The following LY96 variants were observed in gnomAD, a reference collection of about 807,000 sequenced individuals.
LY96 encodes lymphocyte antigen 96, also known as myeloid differentiation protein-2.
A neutral mutation model predicts 18.9 loss-of-function variants in LY96; 18 were observed. That is an observed-to-expected ratio of 0.95 (90% CI 0.66 to 1.41). The LOEUF (loss-of-function observed/expected upper bound fraction) is 1.41. Among genes scored for constraint, LY96 ranks in the 40% most tolerant of loss-of-function variants. LY96 has a pLI of 0.00. For missense variants in LY96, 175 were observed against 182.4 expected, an observed-to-expected ratio of 0.96 and a Z score of 0.23; for synonymous variants, 66 against 62.6, an observed-to-expected ratio of 1.06 and a Z score of -0.26.
chr8:74,049,523 G>A, the LY96 span, among the ~76,000 whole-genome samples: 2 of 152,126 alleles, frequency 1.3e-5, no homozygotes, highest in South Asian at 2.1e-4. Context: ...AGAGGTTGAT[G>A]CGGCTGATTT....
chr8:73,998,273 G>A (rs1816192006), intron 1 of LY96, among the ~76,000 whole-genome samples: 1 of 152,096 alleles, frequency 6.6e-6, no homozygotes, highest in African/African-American at 2.4e-5. Flanking sequence ...AGGGTTTTAG[G>A]ATCTCTGTGC....
chr8:73,991,665 A>C (rs970475257), intron 1 of LY96, 111 bp downstream of exon 1: 4 of 722,856 alleles, frequency 5.5e-6, no homozygotes, highest in African/African-American at 5.3e-5. Flanking sequence ...AGTGTGTTCC[A>C]GCTGCTGTGG....
the LY96 span, among the ~76,000 whole-genome samples, chr8:74,080,917 T>C: frequency 6.6e-6 from 1 of 152,208 alleles, no homozygotes; most frequent in Non-Finnish European, 1.5e-5. Flanking sequence ...GTTTAAAGCC[T>C]ACTGATGATT....
At chr8:74,068,078 A>AT in the LY96 span, among the ~76,000 whole-genome samples, 186 of 135,372 alleles carry the variant, frequency 1.4e-3, 4 homozygotes, top group African/African-American at 5.3e-3. Flanking sequence ...AAAAAAAAAA[A>AT]AAAAAAAAAA....
At chr8:74,014,838 C>A (rs537411469) in intron 3 of LY96, among the ~76,000 whole-genome samples, 1 of 151,738 alleles carries the variant, frequency 6.6e-6, no homozygotes, top group Non-Finnish European at 1.5e-5. Flanking sequence ...CACACACACA[C>A]ACACACACAT....
intron 2 of LY96, among the ~76,000 whole-genome samples, chr8:74,009,374 C>CAAAAAAAA (rs370593442): frequency 8.7e-4 from 51 of 58,498 alleles, no homozygotes; most frequent in Non-Finnish European, 1.3e-3. Flanking sequence ...CAGTCTTTCT[C>CAAAAAAAA]AAAAAAAAAA....
At chr8:74,005,154 A>G (rs754564292) in intron 2 of LY96, among the ~76,000 whole-genome samples, 2 of 152,210 alleles carry the variant, frequency 1.3e-5, no homozygotes, top group Non-Finnish European at 2.9e-5. Context: ...CTGAGGCTCA[A>G]CTAGGAAATA....
chr8:74,093,426 A>G, the LY96 span, among the ~76,000 whole-genome samples: 1 of 152,330 alleles, frequency 6.6e-6, no homozygotes, highest in South Asian at 2.1e-4. Context: ...TTTTTGAACT[A>G]TTGTGGATTG....
the LY96 span, among the ~76,000 whole-genome samples, chr8:74,062,879 G>C: frequency 1.3e-5 from 2 of 152,158 alleles, no homozygotes; most frequent in African/African-American, 4.8e-5. Flanking sequence ...TGTGCTCTTA[G>C]TCATTATGCT....
At chr8:74,032,339 A>G (rs892765490), downstream of LY96, among the ~76,000 whole-genome samples, 1 of 152,208 alleles carries the variant, frequency 6.6e-6, no homozygotes, top group Non-Finnish European at 1.5e-5. Context: ...TAAAAACTAA[A>G]AGGCAGAAAT....
chr8:74,010,026 C>A lies in LY96; in HGVS notation c.228C>A (p.Phe76Leu). 1.2e-6 allele frequency: 2 copies of A among 1,604,136 alleles called. No homozygotes were observed. Among genetic ancestry groups the A allele is most frequent in the Non-Finnish European group, 8.5e-7 (1 of 1,171,142 alleles). ...IPRRDLKQLY[F>L]NLYITVNTMN... The stretch of plus-strand genomic sequence containing the variant: ...GGAGAGATTTAAAGCAATTATATTT[C>A]AATCTCTATATAACTGTCAACACCA... The change falls in exon 3 of 5, where the codon TTC (phenylalanine) becomes TTA (leucine). Residue 76 changes from phenylalanine to leucine, a missense_variant. Phe to Leu is a conservative substitution (Grantham distance 22). Transcript: ENST00000284818.
the LY96 span, among the ~76,000 whole-genome samples, chr8:74,062,345 C>T: frequency 3.3e-5 from 5 of 152,216 alleles, no homozygotes; most frequent in East Asian, 1.9e-4. Context: ...CATTCACCTA[C>T]GTATTAAGCC....
chr8:74,019,440 C>G lies in LY96; in HGVS notation c.332-7349C>G, dbSNP rs528279704. ...GAGGCAATAATTAATAGCCTACCAACCAAAAAAAGTCCAGGACCAGACAGA... is the reference window on the plus strand; with the variant it reads ...GAGGCAATAATTAATAGCCTACCAAGCAAAAAAAGTCCAGGACCAGACAGA... On this transcript the variant is annotated intron_variant, in intron 3 of 4. Coordinates refer to ENST00000284818, the MANE Select transcript of LY96 (RefSeq NM_015364.5). 2.0e-5 allele frequency among the ~76,000 whole-genome samples: 3 copies of G among 152,148 alleles called. No individual in the cohort carries two copies. The East Asian group carries it at 5.8e-4, about 29-fold the overall frequency.
the LY96 span, chr8:74,048,862 A>T: frequency 6.6e-6 from 1 of 151,138 alleles, no homozygotes; most frequent in Non-Finnish European, 1.5e-5. Flanking sequence ...AAGAAAGAAA[A>T]GGAGAAAGAA....
intron 3 of LY96, among the ~76,000 whole-genome samples, chr8:74,011,222 C>T (rs1563714983): frequency 6.6e-6 from 1 of 152,164 alleles, no homozygotes; most frequent in African/African-American, 2.4e-5. Context: ...TCACCACATA[C>T]AAAAATCAAC....
the LY96 span, among the ~76,000 whole-genome samples, chr8:74,039,834 C>T: frequency 2.0e-5 from 3 of 152,196 alleles, no homozygotes; most frequent in African/African-American, 7.2e-5. Context: ...AGGAGCATGA[C>T]TATTGAAGCA....
intron 3 of LY96, among the ~76,000 whole-genome samples, chr8:74,019,233 G>T (rs1415500276): frequency 6.6e-6 from 1 of 151,988 alleles, no homozygotes; most frequent in Non-Finnish European, 1.5e-5. Context: ...AATGATAAAG[G>T]GGATATCACC....
At chr8:74,014,955 C>T in intron 3 of LY96, among the ~76,000 whole-genome samples, 1 of 152,030 alleles carries the variant, frequency 6.6e-6, no homozygotes, top group East Asian at 1.9e-4. Flanking sequence ...GCCTGCAATC[C>T]CAGCACTTTG....
chr8:74,064,821 AG>A, the LY96 span, among the ~76,000 whole-genome samples: 1 of 152,252 alleles, frequency 6.6e-6, no homozygotes, highest in Non-Finnish European at 1.5e-5. Context: ...TGTAAATCAC[AG>A]AAGAAGACAC....
Sources: allele counts gnomAD v4.1 joint callset (sites outside exome capture counted in the v4.1 genomes callset), GRCh38; gene constraint gnomAD v4.1.1; transcripts MANE v1.5; gene names NCBI Gene and HGNC (gene_info 2026-07-23, HGNC 2026-07-21).